GIMAP8: variants seen among roughly 807,000 people sequenced by gnomAD.
GIMAP8 encodes GTPase, IMAP family member 8.
Under a neutral mutation model 35.6 loss-of-function variants are expected in GIMAP8, and 29 were observed. The ratio of observed to expected loss-of-function variants is 0.81; its 90% CI spans 0.61 to 1.11. GIMAP8 has a LOEUF of 1.11. Ranked by LOEUF, GIMAP8 falls within the 50% of genes most tolerant of loss-of-function variation. GIMAP8 has a pLI of 0.00. For synonymous variants in GIMAP8, 335 were observed against 308.7 expected (o/e 1.09, Z -0.89); for missense variants, 811 against 805.0 (o/e 1.01, Z -0.09).
At position 150,472,988 on chromosome 7, in the gene GIMAP8, A is replaced by G. The variant is rs746902970; in HGVS notation, c.683-1024A>G. Reference sequence around the variant, plus strand: ...GTTTCCTTTAGTCTTTTCAACCTCAACGTGGGCATTAGATTCCCATTCTAC... The same window carrying G: ...GTTTCCTTTAGTCTTTTCAACCTCAGCGTGGGCATTAGATTCCCATTCTAC... On this transcript the variant is annotated intron_variant, in intron 3 of 4. Transcript: ENST00000307271. The surrounding 1 kb of genome is among the most constrained non-coding windows in gnomAD (Gnocchi z 4.1). Among the ~76,000 whole-genome samples, 3 of 152,168 alleles carry G rather than the reference A, an allele frequency of 2.0e-5. No individual in the cohort carries two copies. Among genetic ancestry groups the G allele is most frequent in the Non-Finnish European group, 2.9e-5 (2 of 68,020 alleles).
intron 2 of GIMAP8, among the ~76,000 whole-genome samples, chr7:150,470,084 A>T (rs916121196): frequency 6.6e-6 from 1 of 152,196 alleles, no homozygotes; most frequent in Non-Finnish European, 1.5e-5. Context: ...TATATTATGG[A>T]CATTTACCTC....
In GIMAP8 at chr7:150,452,327, G is replaced by C. The variant is rs1248768170; in HGVS notation, c.-29+1152G>C. On this transcript the variant is annotated intron_variant, in intron 1 of 4. Coordinates refer to ENST00000307271, the MANE Select transcript of GIMAP8 (RefSeq NM_175571.4). ...TGCATGTGCGTGTGTGTATGTGGGT[G>C]TGTGTGTGTAGGTCCTGACATCATG... Among the ~76,000 whole-genome samples the C allele has an allele frequency of 1.3e-5, 2 of 150,768 alleles. 1 individual carries two copies. The highest frequency in any genetic ancestry group is 2.9e-5 in the Non-Finnish European group (2 of 67,946).
At position 150,452,672 on chromosome 7, in the gene GIMAP8, T is replaced by A. The variant is rs868354593; in HGVS notation, c.-29+1497T>A. Among the ~76,000 whole-genome samples the A allele has an allele frequency of 3.6e-3, 237 of 66,536 alleles. 1 individual carries two copies. The highest frequency in any genetic ancestry group is 0.013 in the African/African-American group (210 of 15,968). 43.7% of individuals were successfully genotyped at this position (66,536 alleles called of 152,430 possible). A position where few individuals can be genotyped will look rare whatever the true frequency, so the allele number is the denominator to read the frequency against. ...GTGTATATGTGTGTGTGTGTGTGTG[T>A]GAGATATATATATATATATATATAT... is the stretch of plus-strand genomic sequence containing the variant. On this transcript the variant is annotated intron_variant, in intron 1 of 4. Coordinates refer to ENST00000307271, the MANE Select transcript of GIMAP8 (RefSeq NM_175571.4).
chr7:150,471,566 G>C, intron 3 of GIMAP8, among the ~76,000 whole-genome samples: 1 of 152,210 alleles, frequency 6.6e-6, no homozygotes, highest in Non-Finnish European at 1.5e-5. Context: ...GCCGGGTGCA[G>C]TGGCTCATGC....
intron 1 of GIMAP8, among the ~76,000 whole-genome samples, chr7:150,455,327 A>G (rs1801707724): frequency 6.6e-6 from 1 of 152,274 alleles, no homozygotes; most frequent in Admixed American, 6.5e-5. Flanking sequence ...TAAAGAGCTG[A>G]GAGGAGCCAA....
chr7:150,461,488 GTTTT>G (rs981729605), intron 1 of GIMAP8, among the ~76,000 whole-genome samples: 2 of 151,838 alleles, frequency 1.3e-5, no homozygotes, highest in East Asian at 3.9e-4. Context: ...GTGTCTTTAT[GTTTT>G]TTATTTAAAG....
intron 1 of GIMAP8, among the ~76,000 whole-genome samples, chr7:150,454,772 A>G (rs1801690819): frequency 6.6e-6 from 1 of 152,356 alleles, no homozygotes; most frequent in Non-Finnish European, 1.5e-5. Flanking sequence ...AGATGTCTCA[A>G]TACATTTTTA....
intron 1 of GIMAP8, among the ~76,000 whole-genome samples, chr7:150,463,685 G>A (rs1456416105): frequency 2.6e-5 from 4 of 152,208 alleles, no homozygotes; most frequent in Non-Finnish European, 1.5e-5. Context: ...ATTTCCTGGG[G>A]ATAGAGATAC....
rs1802280843 is a variant in GIMAP8 at position 150,478,052 on chromosome 7, A to C, written c.*272A>C. On this transcript the variant is annotated 3_prime_UTR_variant, in exon 5 of 5. Transcript: ENST00000307271. ...CATTAGGCTGATAATAAGTGGTAGA[A>C]TCAAGTCACAAGAATCACCTCACTT... The C allele has an allele frequency of 4.3e-6, 2 of 469,594 alleles. No homozygotes were observed. Among genetic ancestry groups the C allele is most frequent in the Admixed American group, 3.8e-5 (1 of 26,524 alleles). The allele number at this position is 469,594 out of a possible 1,614,324, so 29.1% of individuals were successfully genotyped here.
chr7:150,470,285 A>G (rs1249231606), intron 2 of GIMAP8, among the ~76,000 whole-genome samples: 1 of 152,208 alleles, frequency 6.6e-6, no homozygotes, highest in Non-Finnish European at 1.5e-5. Flanking sequence ...AGATTTAACA[A>G]AGATAAGGTT....
chr7:150,470,857 A>C lies in GIMAP8; in HGVS notation c.665A>C (p.Glu222Ala). Residue 222 changes from glutamate (E) to alanine (A), a missense_variant, in exon 3 of 5, where the codon GAG becomes GCG. Physicochemically the swap from Glu to Ala is moderately radical, Grantham distance 107. Coordinates refer to ENST00000307271, the MANE Select transcript of GIMAP8 (RefSeq NM_175571.4). ...QDCVNEAASQ[E>A]GDKPQGPRER... is the part of the protein sequence containing the mutation. ...TGTGTGAATGAAGCTGCATCTCAAG[A>C]GGGAGACAAGCCACAGGGTAAGTTG... The C allele has an allele frequency of 6.2e-7, 1 of 1,603,994 alleles. No homozygotes were observed. The highest frequency in any genetic ancestry group is 1.1e-5 in the South Asian group (1 of 90,896).
At chr7:150,474,724 T>C (rs1313173964) in intron 4 of GIMAP8, 86 bp downstream of exon 4, 3 of 915,386 alleles carry the variant, frequency 3.3e-6, no homozygotes, top group Middle Eastern at 3.7e-4. Context: ...TTTTCTTTTT[T>C]TTCTTTTTTT....
At chr7:150,461,504 C>T (rs1292165832) in intron 1 of GIMAP8, among the ~76,000 whole-genome samples, 3 of 152,004 alleles carry the variant, frequency 2.0e-5, no homozygotes, top group Admixed American at 2.0e-4. Flanking sequence ...TATTTAAAGT[C>T]TATTTTGTCT....
In GIMAP8 at chr7:150,474,953, C is replaced by G. The variant is rs187778850; in HGVS notation, c.1309+315C>G. Among the ~76,000 whole-genome samples the G allele has an allele frequency of 3.6e-4, 54 of 152,044 alleles. No homozygotes were observed. The East Asian group carries it at 9.9e-3, about 28-fold the overall frequency. ...TGTGATCTTATTGTTCAATTCCCAC[C>G]TATGAGTGAGAATATGCGGTGTTTG... On this transcript the variant is annotated intron_variant, in intron 4 of 4. Coordinates refer to ENST00000307271, the MANE Select transcript of GIMAP8 (RefSeq NM_175571.4).
At chr7:150,470,958 T>C in intron 3 of GIMAP8, 84 bp downstream of exon 3, 1 of 1,087,206 alleles carries the variant, frequency 9.2e-7, no homozygotes, top group Non-Finnish European at 1.4e-6. Context: ...GGAAACATTA[T>C]CCATATAAAC....
intron 2 of GIMAP8, among the ~76,000 whole-genome samples, chr7:150,470,053 A>G (rs1462309115): frequency 6.6e-6 from 1 of 152,256 alleles, no homozygotes; most frequent in Non-Finnish European, 1.5e-5. Flanking sequence ...GTGGAGTGGG[A>G]ATGCAAAGAT....
chr7:150,452,675 G>GAT (rs373374121), intron 1 of GIMAP8, among the ~76,000 whole-genome samples: 4,776 of 79,496 alleles, frequency 0.06, 205 homozygotes, highest in African/African-American at 0.067. Context: ...GTGTGTGTGA[G>GAT]ATATATATAT....
intron 1 of GIMAP8, among the ~76,000 whole-genome samples, chr7:150,452,675 GAT>G (rs373374121): frequency 0.11 from 8,735 of 79,502 alleles, 451 homozygotes; most frequent in Admixed American, 0.14. Flanking sequence ...GTGTGTGTGA[GAT>G]ATATATATAT....
rs1321233436 is a variant in GIMAP8 at position 150,472,180 on chromosome 7, G to C, written c.682+1306G>C. On this transcript the variant is annotated intron_variant, in intron 3 of 4. Coordinates refer to ENST00000307271, the MANE Select transcript of GIMAP8 (RefSeq NM_175571.4). The surrounding 1 kb of genome is among the most constrained non-coding windows in gnomAD (Gnocchi z 4.1). Reference sequence around the variant, plus strand: ...GGAGTCACAGGGCTGTCAGAAACAGGGGGCAGGGAAGGACTTTTTATAGGA... The same window carrying C: ...GGAGTCACAGGGCTGTCAGAAACAGCGGGCAGGGAAGGACTTTTTATAGGA... 2.6e-5 allele frequency among the ~76,000 whole-genome samples: 4 copies of C among 152,206 alleles called. No individual in the cohort carries two copies. The highest frequency in any genetic ancestry group is 9.6e-5 in the African/African-American group (4 of 41,452).
Sources: allele counts gnomAD v4.1 joint callset (sites outside exome capture counted in the v4.1 genomes callset), GRCh38; gene constraint gnomAD v4.1.1; non-coding constraint Gnocchi (gnomAD v3.1); transcripts MANE v1.5; gene names NCBI Gene and HGNC (gene_info 2026-07-23, HGNC 2026-07-21).